Variants in SNTG2 observed in about 807,000 individuals in gnomAD.
The protein encoded by SNTG2 is syntrophin gamma 2.
Under a neutral mutation model 70.9 loss-of-function variants are expected in SNTG2, and 74 were observed. The ratio of observed to expected loss-of-function variants is 1.04; its 90% CI spans 0.86 to 1.27. The LOEUF (loss-of-function observed/expected upper bound fraction) is 1.27. SNTG2 is among the 50% of genes most tolerant of loss of function. The pLI, the probability that SNTG2 is intolerant of heterozygous loss-of-function variation, is 0.00. For synonymous variants in SNTG2, 278 were observed against 273.8 expected (o/e 1.02, Z -0.15); for missense variants, 717 against 690.7 (o/e 1.04, Z -0.43).
intron 16 of SNTG2, among the ~76,000 whole-genome samples, chr2:1,359,421 T>G (rs981645699): frequency 6.6e-6 from 1 of 152,190 alleles, no homozygotes; most frequent in African/African-American, 2.4e-5. Context: ...CCTGGTGGAT[T>G]GATTCTGTTT....
chr2:1,180,533 A>G (rs1460799174), intron 8 of SNTG2, among the ~76,000 whole-genome samples: 1 of 137,376 alleles, frequency 7.3e-6, no homozygotes, highest in Non-Finnish European at 1.6e-5. Flanking sequence ...ATCTCACACC[A>G]GTTAGAATGG....
intron 1 of SNTG2, among the ~76,000 whole-genome samples, chr2:1,045,753 T>C (rs1260670970): frequency 6.6e-6 from 1 of 152,196 alleles, no homozygotes; most frequent in Non-Finnish European, 1.5e-5. Context: ...GTGGATGGTA[T>C]GGTTCAGGTT....
intron 1 of SNTG2, among the ~76,000 whole-genome samples, chr2:963,032 A>G (rs559194362): frequency 3.3e-5 from 5 of 152,264 alleles, no homozygotes; most frequent in Admixed American, 6.5e-5. Flanking sequence ...TGTAGTCTAA[A>G]GCTGGTTTGA....
At chr2:1,291,708 T>G (rs929547754) in intron 14 of SNTG2, among the ~76,000 whole-genome samples, 1 of 152,378 alleles carries the variant, frequency 6.6e-6, no homozygotes, top group East Asian at 1.9e-4. Flanking sequence ...GATCTATGTC[T>G]TTCTTTATGC....
At chr2:1,195,777 T>G (rs1359602747) in intron 8 of SNTG2, among the ~76,000 whole-genome samples, 2 of 152,220 alleles carry the variant, frequency 1.3e-5, no homozygotes, top group Non-Finnish European at 2.9e-5. Flanking sequence ...TTTTGGTGTT[T>G]TAGCCATGAA....
intron 7 of SNTG2, among the ~76,000 whole-genome samples, chr2:1,170,324 C>G (rs1232807971): frequency 6.6e-6 from 1 of 152,166 alleles, no homozygotes; most frequent in African/African-American, 2.4e-5. Context: ...TTGCTACTGT[C>G]TAATTCCAAA....
At chr2:1,024,888 A>G (rs1261489153) in intron 1 of SNTG2, among the ~76,000 whole-genome samples, 1 of 152,210 alleles carries the variant, frequency 6.6e-6, no homozygotes, top group Non-Finnish European at 1.5e-5. Flanking sequence ...GAAAGCAGAA[A>G]CTAATACTTA....
intron 14 of SNTG2, among the ~76,000 whole-genome samples, chr2:1,294,319 C>CT (rs1275850303): frequency 6.6e-6 from 1 of 152,226 alleles, no homozygotes; most frequent in African/African-American, 2.4e-5. Flanking sequence ...CCCTCAGGTC[C>CT]TGGCCATGCC....
intron 13 of SNTG2, among the ~76,000 whole-genome samples, chr2:1,260,005 G>T (rs1218285866): frequency 2.0e-5 from 3 of 152,214 alleles, no homozygotes; most frequent in Non-Finnish European, 4.4e-5. Flanking sequence ...GCTCACCGTG[G>T]CCGGGTGCCA....
chr2:1,245,022 C>T (rs1677327850), intron 11 of SNTG2, among the ~76,000 whole-genome samples: 1 of 147,764 alleles, frequency 6.8e-6, no homozygotes, highest in South Asian at 2.1e-4. Context: ...ATCGCAAGGA[C>T]AAAAAACCAA....
At chr2:1,088,999 A>T (rs1300180452) in intron 2 of SNTG2, among the ~76,000 whole-genome samples, 1 of 152,240 alleles carries the variant, frequency 6.6e-6, no homozygotes. Flanking sequence ...ATAAATTTGG[A>T]AGCAAGTGAT....
chr2:959,675 C>T (rs942756955), intron 1 of SNTG2, among the ~76,000 whole-genome samples: 6 of 149,956 alleles, frequency 4.0e-5, no homozygotes, highest in Non-Finnish European at 7.4e-5. Context: ...CACAGAATTG[C>T]ATCGTGCAGG....
intron 1 of SNTG2, among the ~76,000 whole-genome samples, chr2:1,062,109 C>T (rs1662865315): frequency 6.6e-6 from 1 of 152,018 alleles, no homozygotes; most frequent in African/African-American, 2.4e-5. Flanking sequence ...ATTTTCACAC[C>T]ATTTGACTGA....
intron 14 of SNTG2, among the ~76,000 whole-genome samples, chr2:1,274,010 A>T (rs1332362926): frequency 6.6e-6 from 1 of 152,248 alleles, no homozygotes; most frequent in Non-Finnish European, 1.5e-5. Flanking sequence ...ACTTCAAAAA[A>T]GATTTCTAGA....
intron 15 of SNTG2, among the ~76,000 whole-genome samples, chr2:1,314,179 C>A (rs1291964937): frequency 6.6e-6 from 1 of 152,182 alleles, no homozygotes; most frequent in African/African-American, 2.4e-5. Flanking sequence ...TCTTCAAAAT[C>A]AAATTTGAAC....
chr2:1,035,117 G>A (rs1661059204), intron 1 of SNTG2, among the ~76,000 whole-genome samples: 1 of 152,148 alleles, frequency 6.6e-6, no homozygotes, highest in Non-Finnish European at 1.5e-5. Flanking sequence ...AATGACTTTT[G>A]GGTAAATAAT....
intron 1 of SNTG2, among the ~76,000 whole-genome samples, chr2:1,000,839 T>C (rs931844348): frequency 1.3e-5 from 2 of 151,790 alleles, no homozygotes; most frequent in Non-Finnish European, 3.0e-5. Flanking sequence ...GCAAATATCA[T>C]AGATGAACAT....
chr2:1,125,388 T>C (rs970174084), intron 4 of SNTG2, among the ~76,000 whole-genome samples: 1 of 152,194 alleles, frequency 6.6e-6, no homozygotes, highest in Admixed American at 6.5e-5. Context: ...CCTCTGTCCC[T>C]TCCTCCTGTC....
At chr2:1,010,096 A>T (rs970180841) in intron 1 of SNTG2, among the ~76,000 whole-genome samples, 4 of 152,080 alleles carry the variant, frequency 2.6e-5, no homozygotes, top group African/African-American at 9.7e-5. Flanking sequence ...GATCTTTATA[A>T]TATGTGATTC....
Sources: allele counts gnomAD v4.1 joint callset (sites outside exome capture counted in the v4.1 genomes callset), GRCh38; gene constraint gnomAD v4.1.1; transcripts MANE v1.5; gene names NCBI Gene and HGNC (gene_info 2026-07-23, HGNC 2026-07-21).